TBL1XR1: variants seen among roughly 807,000 people sequenced by gnomAD.
TBL1XR1 encodes the protein F-box-like/WD repeat-containing protein TBL1XR1.
A neutral mutation model predicts 66.9 loss-of-function variants in TBL1XR1; 5 were observed. The ratio of observed to expected loss-of-function variants is 0.07; its 90% CI spans 0.04 to 0.16. The LOEUF is 0.16. TBL1XR1 is among the 10% of genes least tolerant of loss of function. The pLI is 1.00. For synonymous variants in TBL1XR1, 210 were observed against 206.0 expected (o/e 1.02, Z -0.17); for missense variants, 238 against 623.2 (o/e 0.38, Z 6.58).
At chr3:177,048,214 A>G (rs1010192777) in intron 7 of TBL1XR1, among the ~76,000 whole-genome samples, 6 of 152,158 alleles carry the variant, frequency 3.9e-5, no homozygotes, top group Non-Finnish European at 7.3e-5. Context: ...AGTCCATATA[A>G]ATTTCTCTCA....
intron 2 of TBL1XR1, among the ~76,000 whole-genome samples, chr3:177,088,291 T>C (rs947682050): frequency 3.9e-5 from 6 of 152,126 alleles, no homozygotes; most frequent in African/African-American, 1.4e-4. Flanking sequence ...CCACACTTGA[T>C]CTCATATGAC....
At chr3:177,186,951 G>C (rs1003836433) in intron 1 of TBL1XR1, among the ~76,000 whole-genome samples, 3 of 152,060 alleles carry the variant, frequency 2.0e-5, no homozygotes, top group Admixed American at 6.6e-5. Flanking sequence ...CGGATCACAA[G>C]GTCAGGAGAT....
chr3:177,123,233 T>A (rs754685381), intron 1 of TBL1XR1, among the ~76,000 whole-genome samples: 33 of 152,150 alleles, frequency 2.2e-4, no homozygotes, highest in Non-Finnish European at 4.4e-4. Context: ...CATATCATAC[T>A]AAAAACAGTA....
chr3:177,194,462 A>T (rs1268279611), intron 1 of TBL1XR1, among the ~76,000 whole-genome samples: 2 of 152,208 alleles, frequency 1.3e-5, no homozygotes, highest in African/African-American at 4.8e-5. Flanking sequence ...TATATAAATG[A>T]CACCAAAAAT....
At chr3:177,149,108 G>C (rs1200484578) in intron 1 of TBL1XR1, among the ~76,000 whole-genome samples, 2 of 152,202 alleles carry the variant, frequency 1.3e-5, no homozygotes, top group Admixed American at 1.3e-4. Flanking sequence ...TCCCAAGACG[G>C]CAGACATATT....
intron 1 of TBL1XR1, among the ~76,000 whole-genome samples, chr3:177,190,133 C>CAAAAAAA (rs548783302): frequency 1.4e-4 from 10 of 69,410 alleles, no homozygotes; most frequent in East Asian, 6.3e-4. Flanking sequence ...AACTCCATCT[C>CAAAAAAA]AAAAAAAAAA....
chr3:177,080,143 C>CA (rs755182668), intron 2 of TBL1XR1, among the ~76,000 whole-genome samples: 15 of 152,076 alleles, frequency 9.9e-5, no homozygotes, highest in Non-Finnish European at 1.9e-4. Context: ...ATTATGTCCT[C>CA]AATAAAAAGG....
chr3:177,148,498 G>A lies in TBL1XR1; in HGVS notation c.-122+48623C>T, dbSNP rs566845110. On this transcript the variant is annotated intron_variant, in intron 1 of 15. Transcript: ENST00000457928. Reference sequence around the variant, plus strand: ...TGGGAGGCTGAGGTGGGTGGATAACGAGGTCAGGAGTTCGAGACCAGCCTG... The same window carrying A: ...TGGGAGGCTGAGGTGGGTGGATAACAAGGTCAGGAGTTCGAGACCAGCCTG... Among the ~76,000 whole-genome samples the A allele has an allele frequency of 2.6e-5, 4 of 152,100 alleles. No individual in the cohort carries two copies. In the East Asian group the frequency reaches 7.8e-4, roughly 29 times the overall value.
At chr3:177,096,714 T>C (rs1184194559) in intron 2 of TBL1XR1, among the ~76,000 whole-genome samples, 1 of 152,162 alleles carries the variant, frequency 6.6e-6, no homozygotes, top group African/African-American at 2.4e-5. Context: ...TGATTTACCA[T>C]GAATCTGTTT....
chr3:177,070,524 G>A (rs1719832995), intron 2 of TBL1XR1, among the ~76,000 whole-genome samples: 1 of 152,156 alleles, frequency 6.6e-6, no homozygotes, highest in South Asian at 2.1e-4. Context: ...AGCAATGTCA[G>A]TCTGGCAAAG....
At chr3:177,070,685 C>T (rs1719860789) in intron 2 of TBL1XR1, among the ~76,000 whole-genome samples, 1 of 152,008 alleles carries the variant, frequency 6.6e-6, no homozygotes, top group South Asian at 2.1e-4. Flanking sequence ...CCCATCTCTA[C>T]TAAAATACAA....
At chr3:177,028,939 G>T (rs990004441) in intron 14 of TBL1XR1, among the ~76,000 whole-genome samples, 1 of 151,770 alleles carries the variant, frequency 6.6e-6, no homozygotes, top group Admixed American at 6.6e-5. Context: ...AACAGAAAGG[G>T]GACAATGAAT....
intron 1 of TBL1XR1, among the ~76,000 whole-genome samples, chr3:177,170,570 T>C (rs912603323): frequency 1.1e-4 from 17 of 152,154 alleles, no homozygotes; most frequent in African/African-American, 2.4e-4. Context: ...CACTCAATGA[T>C]AGAATCGGGT....
At chr3:177,082,762 A>G (rs1295089506) in intron 2 of TBL1XR1, among the ~76,000 whole-genome samples, 1 of 131,826 alleles carries the variant, frequency 7.6e-6, no homozygotes, top group South Asian at 2.5e-4. Flanking sequence ...ATATATATAT[A>G]TATATGAATA....
rs1199488594 is a variant in TBL1XR1 at position 177,025,457 on chromosome 3, G to A, written c.*41C>T. ...GGTCAGGGACAGTCATTTTGGCTAT[G>A]TACACATTCATAGTCGGTCCATGGC... On this transcript the variant is annotated 3_prime_UTR_variant, in exon 16 of 16. Coordinates refer to ENST00000457928, the MANE Select transcript of TBL1XR1 (RefSeq NM_024665.7). 2 of 1,609,872 alleles carry A rather than the reference G, an allele frequency of 1.2e-6. No homozygotes were observed. Among genetic ancestry groups the A allele is most frequent in the Non-Finnish European group, 1.7e-6 (2 of 1,177,970 alleles).
intron 6 of TBL1XR1, 80 bp from the exon 7 acceptor site, chr3:177,050,218 A>T: frequency 6.7e-7 from 1 of 1,489,220 alleles, no homozygotes; most frequent in Non-Finnish European, 9.1e-7. Context: ...ACATCTGAAT[A>T]TTAATAAGGC....
intron 1 of TBL1XR1, among the ~76,000 whole-genome samples, chr3:177,125,753 G>A (rs1234843443): frequency 6.6e-6 from 1 of 152,034 alleles, no homozygotes; most frequent in African/African-American, 2.4e-5. Flanking sequence ...AATTAAAATA[G>A]CTCATTTATT....
chr3:177,100,889 G>A (rs1201295), intron 1 of TBL1XR1, among the ~76,000 whole-genome samples: 49,505 of 146,392 alleles, frequency 0.34, 8,518 homozygotes, highest in East Asian at 0.54. Flanking sequence ...ACGGAGTCTC[G>A]CTGTTGCCCA....
chr3:177,151,982 C>T (rs890884302), intron 1 of TBL1XR1, among the ~76,000 whole-genome samples: 1 of 152,144 alleles, frequency 6.6e-6, no homozygotes, highest in Non-Finnish European at 1.5e-5. Context: ...CAAGATAGCG[C>T]CATCGCACTC....
Sources: gnomAD v4.1 joint callset for allele counts (sites outside exome capture counted in the v4.1 genomes callset) on GRCh38, gnomAD v4.1.1 for gene constraint, MANE v1.5 for transcripts, NCBI Gene and HGNC (gene_info 2026-07-23, HGNC 2026-07-21) for gene names.